Variants in TNRC6B observed in about 807,000 individuals in gnomAD.
The protein encoded by TNRC6B is trinucleotide repeat-containing gene 6B protein.
In TNRC6B, 52 loss-of-function variants were observed where a neutral mutation model predicts 203.6. That is an observed-to-expected ratio of 0.26 (90% CI 0.20 to 0.32). The LOEUF is 0.32. Among genes scored for constraint, TNRC6B ranks in the 10% least tolerant of loss-of-function variants. The probability of loss-of-function intolerance (pLI) is 1.00; values close to 1 mark genes in which losing one functional copy is unlikely to be tolerated. For synonymous variants in TNRC6B, 838 were observed against 845.7 expected, an observed-to-expected ratio of 0.99 and a Z score of 0.16; for missense variants, 1,923 against 2,286.2, an observed-to-expected ratio of 0.84 and a Z score of 3.24.
At chr22:40,163,397 C>CA (rs1032013873) in intron 4 of TNRC6B, among the ~76,000 whole-genome samples, 2,075 of 20,070 alleles carry the variant, frequency 0.1, 200 homozygotes, top group Non-Finnish European at 0.14. Context: ...GACCCTGTCT[C>CA]AAAAAAAAAA....
In TNRC6B at chr22:40,197,334, G is replaced by A. The variant is rs114324979; in HGVS notation, c.5+19194G>A. Among the ~76,000 whole-genome samples the A allele has an allele frequency of 2.0e-3, 306 of 152,032 alleles. 2 individuals are homozygous for A. The highest frequency in any genetic ancestry group is 7.2e-3 in the African/African-American group (299 of 41,470). On this transcript the variant is annotated intron_variant, in intron 1 of 22. Transcript: ENST00000454349. ...TCACACTGTTGCCCCTCGCTGGAGCGCAGCACATGGCTTGATCTCAGCTCA... is the reference window on the plus strand; with the variant it reads ...TCACACTGTTGCCCCTCGCTGGAGCACAGCACATGGCTTGATCTCAGCTCA...
At chr22:40,318,343 C>T (rs1471256192) in intron 21 of TNRC6B, among the ~76,000 whole-genome samples, 9 of 152,110 alleles carry the variant, frequency 5.9e-5, no homozygotes, top group East Asian at 1.9e-4. Context: ...GTCAGGCAAT[C>T]GAGACCATCC....
At chr22:40,182,172 G>T (rs1164619850) in intron 1 of TNRC6B, among the ~76,000 whole-genome samples, 2 of 151,974 alleles carry the variant, frequency 1.3e-5, no homozygotes, top group Non-Finnish European at 2.9e-5. Context: ...TTGAACCCAG[G>T]AGTCGGAGGT....
rs986519763 is a variant in TNRC6B, at chr22:40,210,578, G to A, written c.5+32438G>A. Among the ~76,000 whole-genome samples the A allele has an allele frequency of 5.9e-5, 9 of 152,274 alleles. 1 individual carries two copies. The South Asian group carries it at 1.7e-3, about 28-fold the overall frequency. On this transcript the variant is annotated intron_variant, in intron 1 of 22. Transcript: ENST00000454349. The stretch of plus-strand genomic sequence containing the variant: ...CATTTTATACGCACAGCTTTCAGTT[G>A]TTAACACTGGTGTAGAATCTAAACT...
At chr22:40,307,884 C>T (rs139910) in intron 15 of TNRC6B, among the ~76,000 whole-genome samples, 7 of 151,844 alleles carry the variant, frequency 4.6e-5, no homozygotes, top group South Asian at 4.1e-4. Flanking sequence ...AAAAAAGATC[C>T]GAACTCCTTG....
chr22:40,251,126 C>A, intron 2 of TNRC6B, 53 bp from the exon 3 acceptor site: 1 of 1,449,014 alleles, frequency 6.9e-7, no homozygotes, highest in Admixed American at 2.2e-5. Flanking sequence ...TCTGAAAATA[C>A]AGTACTGAAT....
intron 1 of TNRC6B, among the ~76,000 whole-genome samples, chr22:40,055,471 G>A (rs921827547): frequency 6.6e-6 from 1 of 152,102 alleles, no homozygotes; most frequent in African/African-American, 2.4e-5. Flanking sequence ...TAGGGTACAG[G>A]GCTAATAGCT....
chr22:40,212,837 A>G (rs2069583450), intron 1 of TNRC6B, among the ~76,000 whole-genome samples: 1 of 151,972 alleles, frequency 6.6e-6, no homozygotes, highest in Non-Finnish European at 1.5e-5. Context: ...TTTAGTAGAG[A>G]CGGAGTTTCA....
chr22:40,227,271 C>T (rs1300554680), intron 1 of TNRC6B, among the ~76,000 whole-genome samples: 1 of 150,490 alleles, frequency 6.6e-6, no homozygotes, highest in East Asian at 1.9e-4. Flanking sequence ...CCATGTTGCC[C>T]AGGCTGGGTG....
intron 1 of TNRC6B, among the ~76,000 whole-genome samples, chr22:40,112,598 A>T (rs1483050787): frequency 6.6e-6 from 1 of 152,108 alleles, no homozygotes; most frequent in East Asian, 1.9e-4. Flanking sequence ...CTCCCAAATG[A>T]CAGGTTTCAG....
In TNRC6B at chr22:40,232,139, A is replaced by G. The variant is rs184647735; in HGVS notation, c.6-13876A>G. ...AGTGACTTAGCAGTATTGTGAAAAA[A>G]CAGGAGTGTTAGGTGGCTGTAACTC... On this transcript the variant is annotated intron_variant, in intron 1 of 22. Coordinates refer to ENST00000454349, the MANE Select transcript of TNRC6B (RefSeq NM_001162501.2). Among the ~76,000 whole-genome samples, 381 of 152,306 alleles carry G rather than the reference A, an allele frequency of 2.5e-3. 2 individuals carry two copies. The highest frequency in any genetic ancestry group is 8.0e-3 in the African/African-American group (333 of 41,572).
chr22:40,210,278 G>A (rs184196765), intron 1 of TNRC6B, among the ~76,000 whole-genome samples: 8 of 152,296 alleles, frequency 5.3e-5, no homozygotes, highest in Admixed American at 1.3e-4. Context: ...AGATGAGACA[G>A]ACAGTGAGTA....
At chr22:40,143,543 G>A (rs1268249301) in intron 3 of TNRC6B, among the ~76,000 whole-genome samples, 2 of 152,124 alleles carry the variant, frequency 1.3e-5, no homozygotes, top group African/African-American at 2.4e-5. Context: ...AGGCTGAAGT[G>A]CAGTGGCCCA....
At chr22:40,150,637 A>G (rs1295988221) in intron 3 of TNRC6B, among the ~76,000 whole-genome samples, 1 of 152,200 alleles carries the variant, frequency 6.6e-6, no homozygotes, top group East Asian at 1.9e-4. Context: ...ACCTCAGGAA[A>G]AGCTGAGGGT....
At chr22:40,104,850 C>A (rs546203670) in intron 1 of TNRC6B, among the ~76,000 whole-genome samples, 1 of 152,158 alleles carries the variant, frequency 6.6e-6, no homozygotes, top group Non-Finnish European at 1.5e-5. Flanking sequence ...GAGAAGGCCG[C>A]AAAACTGAGT....
At chr22:40,283,318 G>A (rs946056004) in intron 11 of TNRC6B, among the ~76,000 whole-genome samples, 22 of 152,270 alleles carry the variant, frequency 1.4e-4, no homozygotes, top group Middle Eastern at 3.4e-3. Flanking sequence ...GATTACAGGC[G>A]TGAGCCACCG....
exon 4 of TNRC6B, chr22:40,156,158 C>A: frequency 6.3e-7 from 1 of 1,579,068 alleles, no homozygotes; most frequent in Non-Finnish European, 8.6e-7. Flanking sequence ...GGCAAGACTC[C>A]ACCTCCTGGT....
intron 3 of TNRC6B, among the ~76,000 whole-genome samples, chr22:40,148,521 A>T (rs1024761256): frequency 1.3e-5 from 2 of 152,050 alleles, no homozygotes; most frequent in African/African-American, 2.4e-5. Context: ...TGACCTTGTG[A>T]TCTGCCCGCC....
chr22:40,305,564 T>C (rs1457990724), intron 15 of TNRC6B, among the ~76,000 whole-genome samples: 3 of 152,188 alleles, frequency 2.0e-5, no homozygotes, highest in Non-Finnish European at 2.9e-5. Context: ...ACATTCCATA[T>C]CCTAGCGTCA....
Sources: allele counts gnomAD v4.1 joint callset (sites outside exome capture counted in the v4.1 genomes callset), GRCh38; gene constraint gnomAD v4.1.1; transcripts MANE v1.5; gene names NCBI Gene and HGNC (gene_info 2026-07-23, HGNC 2026-07-21).